The following RANBP2 variants were observed in gnomAD, a reference collection of about 807,000 sequenced individuals.
RANBP2 encodes the protein RAN binding protein 2.
In RANBP2, 57 loss-of-function variants were observed where a neutral mutation model predicts 303.6. The ratio of observed to expected loss-of-function variants is 0.19; its 90% CI spans 0.15 to 0.23. The LOEUF (loss-of-function observed/expected upper bound fraction) is 0.23, where lower values mean the gene tolerates loss of function less well. RANBP2 is among the 10% of genes least tolerant of loss of function. RANBP2 has a pLI of 1.00. For synonymous variants in RANBP2, 1,167 were observed against 1,301.5 expected, an observed-to-expected ratio of 0.90 and a Z score of 2.23; for missense variants, 3,138 against 3,780.8, an observed-to-expected ratio of 0.83 and a Z score of 4.46.
the RANBP2 span, among the ~76,000 whole-genome samples, chr2:109,018,283 A>AGGATGGAG: frequency 1.4e-4 from 21 of 152,322 alleles, no homozygotes; most frequent in African/African-American, 5.1e-4. Flanking sequence ...TCCTCAAAGC[A>AGGATGGAG]GGATGGAGGA....
chr2:108,722,053 ACAAG>A (rs1393954544), intron 1 of RANBP2, among the ~76,000 whole-genome samples: 1 of 150,944 alleles, frequency 6.6e-6, no homozygotes. Context: ...TTTTTTTTAA[ACAAG>A]CTTAAAAAAA....
chr2:109,348,759 C>T, the RANBP2 span, among the ~76,000 whole-genome samples: 1 of 152,142 alleles, frequency 6.6e-6, no homozygotes, highest in Non-Finnish European at 1.5e-5. Flanking sequence ...CCCCTTCCTC[C>T]TTTCCATCTT....
the RANBP2 span, among the ~76,000 whole-genome samples, chr2:109,256,865 G>C: frequency 6.6e-6 from 1 of 152,170 alleles, no homozygotes; most frequent in Non-Finnish European, 1.5e-5. Context: ...TTGTCCCGGA[G>C]ACTAACCATC....
chr2:109,080,261 G>A, the RANBP2 span, among the ~76,000 whole-genome samples: 1 of 149,240 alleles, frequency 6.7e-6, no homozygotes, highest in African/African-American at 2.4e-5. Flanking sequence ...AGCTGAGAGG[G>A]CAGCAGTTTG....
chr2:109,246,434 G>A, the RANBP2 span, among the ~76,000 whole-genome samples: 5,847 of 152,172 alleles, frequency 0.038, 368 homozygotes, highest in African/African-American at 0.13. Context: ...CTCACGATCC[G>A]GTCACCTCCC....
the RANBP2 span, among the ~76,000 whole-genome samples, chr2:109,480,497 A>G: frequency 6.6e-6 from 1 of 152,106 alleles, no homozygotes; most frequent in Non-Finnish European, 1.5e-5. Context: ...GAGGGTGCCA[A>G]GGTCATAGGG....
chr2:109,657,120 T>C, the RANBP2 span, among the ~76,000 whole-genome samples: 4,804 of 152,234 alleles, frequency 0.032, 237 homozygotes, highest in African/African-American at 0.11. Context: ...AACCCTAGTA[T>C]CACCTGAGTG....
chr2:109,196,111 C>T, the RANBP2 span, among the ~76,000 whole-genome samples: 1 of 152,218 alleles, frequency 6.6e-6, no homozygotes, highest in Non-Finnish European at 1.5e-5. Flanking sequence ...TTTAATGGGA[C>T]GAGGGACAGA....
At chr2:109,725,115 C>T in the RANBP2 span, among the ~76,000 whole-genome samples, 2 of 152,228 alleles carry the variant, frequency 1.3e-5, no homozygotes, top group African/African-American at 4.8e-5. Flanking sequence ...GGGGATTCTG[C>T]AGTGACAGAA....
intron 20 of RANBP2, among the ~76,000 whole-genome samples, chr2:108,771,081 A>T (rs1023336785): frequency 6.6e-6 from 1 of 150,906 alleles, no homozygotes; most frequent in Non-Finnish European, 1.5e-5. Flanking sequence ...GTGGCTGGGG[A>T]TGGGTTGTTT....
At chr2:109,036,836 C>T in the RANBP2 span, among the ~76,000 whole-genome samples, 123 of 152,102 alleles carry the variant, frequency 8.1e-4, 1 homozygote, top group East Asian at 0.011. Flanking sequence ...GGCAAAACCC[C>T]GTCTCTTCAA....
chr2:109,135,669 G>A, the RANBP2 span, among the ~76,000 whole-genome samples: 1 of 151,766 alleles, frequency 6.6e-6, no homozygotes, highest in African/African-American at 2.4e-5. Flanking sequence ...GATGTGCATG[G>A]GGGGGTGTGT....
At chr2:108,829,141 CTG>C in the RANBP2 span, among the ~76,000 whole-genome samples, 1 of 152,048 alleles carries the variant, frequency 6.6e-6, no homozygotes, top group Non-Finnish European at 1.5e-5. Context: ...CAAAAATAAA[CTG>C]AACTTCATCA....
chr2:109,589,077 C>T, the RANBP2 span, among the ~76,000 whole-genome samples: 7 of 151,562 alleles, frequency 4.6e-5, no homozygotes, highest in Admixed American at 4.6e-4. Context: ...ATTATAGGCG[C>T]CACCACGCCT....
intron 9 of RANBP2, among the ~76,000 whole-genome samples, chr2:108,750,223 A>G (rs1398743313): frequency 2.0e-5 from 3 of 152,274 alleles, no homozygotes; most frequent in Admixed American, 6.5e-5. Flanking sequence ...TTGTTTATGT[A>G]TGATTTATCT....
chr2:109,392,896 C>G, the RANBP2 span, among the ~76,000 whole-genome samples: 1 of 152,174 alleles, frequency 6.6e-6, no homozygotes, highest in African/African-American at 2.4e-5. Context: ...TTGGAATGTT[C>G]CACACACAAC....
chr2:108,978,958 C>T, the RANBP2 span, among the ~76,000 whole-genome samples: 26 of 152,288 alleles, frequency 1.7e-4, no homozygotes, highest in Non-Finnish European at 2.6e-4. Context: ...ACCATTAACC[C>T]GGGAAAGTTC....
the RANBP2 span, among the ~76,000 whole-genome samples, chr2:109,170,497 C>T: frequency 6.6e-6 from 1 of 152,020 alleles, no homozygotes; most frequent in African/African-American, 2.4e-5. Context: ...AGGCGCACAC[C>T]ACCATGCCTG....
At chr2:108,728,594 TTATG>T (rs1341301397) in intron 1 of RANBP2, among the ~76,000 whole-genome samples, 9 of 100,130 alleles carry the variant, frequency 9.0e-5, no homozygotes, top group African/African-American at 2.9e-4. Flanking sequence ...CCCAGCTTAT[TTATG>T]ATGATGATGA....
Sources: gnomAD v4.1 joint callset for allele counts (sites outside exome capture counted in the v4.1 genomes callset) on GRCh38, gnomAD v4.1.1 for gene constraint, MANE v1.5 for transcripts, NCBI Gene and HGNC (gene_info 2026-07-23, HGNC 2026-07-21) for gene names.